SSBP2: variants seen among roughly 807,000 people sequenced by gnomAD.
SSBP2 encodes single stranded DNA binding protein 2, also known as single-stranded DNA-binding protein 2.
A neutral mutation model predicts 61.8 loss-of-function variants in SSBP2; 17 were observed. The observed-to-expected ratio is 0.28, with a 90% CI of 0.19 to 0.41. SSBP2 has a LOEUF of 0.41. SSBP2 is among the 10% of genes least tolerant of loss of function. SSBP2 has a pLI of 1.00. For synonymous variants in SSBP2, 139 were observed against 141.3 expected (o/e 0.98, Z 0.12); for missense variants, 310 against 458.7 (o/e 0.68, Z 2.96).
intron 8 of SSBP2, among the ~76,000 whole-genome samples, chr5:81,469,073 C>T (rs928019983): frequency 3.3e-5 from 5 of 151,862 alleles, no homozygotes; most frequent in African/African-American, 1.2e-4. Flanking sequence ...CATTTTTGAT[C>T]TTAGAAGATC....
At position 81,438,803 on chromosome 5, in the gene SSBP2, G is replaced by A. The variant is rs190586047; in HGVS notation, c.929-1345C>T. Among the ~76,000 whole-genome samples, 346 of 152,176 alleles carry A rather than the reference G, an allele frequency of 2.3e-3. 1 individual carries two copies. The highest frequency in any genetic ancestry group is 8.0e-3 in the African/African-American group (332 of 41,532). On this transcript the variant is annotated intron_variant, in intron 14 of 16. Coordinates refer to ENST00000320672, the MANE Select transcript of SSBP2 (RefSeq NM_012446.5). The stretch of plus-strand genomic sequence containing the variant: ...AAAGTGAATTATTTTGCAATAAATT[G>A]GAAAATAAAATTCAAGAATGGTGCT...
intron 4 of SSBP2, among the ~76,000 whole-genome samples, chr5:81,524,142 T>C (rs1447008347): frequency 6.6e-6 from 1 of 152,024 alleles, no homozygotes; most frequent in Non-Finnish European, 1.5e-5. Flanking sequence ...TTCCCCTCTG[T>C]GGTAGGCAGA....
At chr5:81,592,234 T>C (rs1015100223) in intron 4 of SSBP2, among the ~76,000 whole-genome samples, 2 of 152,212 alleles carry the variant, frequency 1.3e-5, no homozygotes, top group African/African-American at 4.8e-5. Flanking sequence ...GTCTCGCTCA[T>C]TGCTAGCACA....
intron 6 of SSBP2, among the ~76,000 whole-genome samples, chr5:81,488,010 A>AAT (rs59039206): frequency 0.016 from 626 of 38,402 alleles, 7 homozygotes; most frequent in South Asian, 0.028. Context: ...ATGGCCAAAT[A>AAT]ATATATATAT....
Position 81,440,535 on chromosome 5 carries a change from A to G in SSBP2, c.928+23T>C, listed in dbSNP as rs527564466. The G allele has an allele frequency of 8.4e-5, 134 of 1,598,674 alleles. 1 individual carries two copies. The South Asian group carries it at 1.4e-3, about 17-fold the overall frequency. On this transcript the variant is annotated intron_variant, in intron 14 of 16. Transcript: ENST00000320672. Reference sequence around the variant, plus strand: ...AAGGTTTTGTTATGAATTTATTCTAAACATCAAATTGAAAAGCCTTACCTA... The same window carrying G: ...AAGGTTTTGTTATGAATTTATTCTAGACATCAAATTGAAAAGCCTTACCTA...
At chr5:81,742,331 G>C (rs1266006173) in intron 1 of SSBP2, among the ~76,000 whole-genome samples, 2 of 152,116 alleles carry the variant, frequency 1.3e-5, no homozygotes, top group African/African-American at 2.4e-5. Flanking sequence ...TTATAGAAAA[G>C]TATTTTTTAG....
chr5:81,731,182 A>G (rs1196264103), intron 1 of SSBP2, among the ~76,000 whole-genome samples: 5 of 152,238 alleles, frequency 3.3e-5, no homozygotes, highest in African/African-American at 9.6e-5. Flanking sequence ...TACAATATCT[A>G]TCTCATTGGG....
At chr5:81,668,862 T>G (rs1398057446) in intron 1 of SSBP2, among the ~76,000 whole-genome samples, 6 of 152,156 alleles carry the variant, frequency 3.9e-5, no homozygotes. Context: ...TTACAAATTA[T>G]TTCCCAAAGG....
At chr5:81,545,074 A>G (rs942308720) in intron 4 of SSBP2, among the ~76,000 whole-genome samples, 1 of 152,196 alleles carries the variant, frequency 6.6e-6, no homozygotes, top group Non-Finnish European at 1.5e-5. Flanking sequence ...ACTCCTCTAC[A>G]CTTTAGGGTG....
intron 5 of SSBP2, among the ~76,000 whole-genome samples, chr5:81,509,753 T>C (rs766011644): frequency 1.1e-4 from 17 of 152,308 alleles, no homozygotes; most frequent in Non-Finnish European, 2.1e-4. Flanking sequence ...CAAATATATC[T>C]GAAAGTTTTT....
At chr5:81,498,688 G>A (rs1381631510) in intron 5 of SSBP2, among the ~76,000 whole-genome samples, 1 of 151,766 alleles carries the variant, frequency 6.6e-6, no homozygotes, top group Non-Finnish European at 1.5e-5. Context: ...TCTCTATATA[G>A]ATTTCTATTC....
chr5:81,469,392 T>C (rs1765099971), intron 8 of SSBP2, among the ~76,000 whole-genome samples: 1 of 151,972 alleles, frequency 6.6e-6, no homozygotes, highest in African/African-American at 2.4e-5. Flanking sequence ...TTTTTTCTTT[T>C]ACCATTGTTA....
At chr5:81,750,206 C>A (rs1340846900) in intron 1 of SSBP2, among the ~76,000 whole-genome samples, 3 of 151,370 alleles carry the variant, frequency 2.0e-5, no homozygotes, top group Admixed American at 6.6e-5. Flanking sequence ...CTCTCCGACT[C>A]CCAAACTTCG....
intron 4 of SSBP2, among the ~76,000 whole-genome samples, chr5:81,522,898 A>G (rs1176186436): frequency 6.6e-6 from 1 of 152,132 alleles, no homozygotes; most frequent in Admixed American, 6.6e-5. Flanking sequence ...ATAGTATTCA[A>G]TCCTTTAGGC....
intron 7 of SSBP2, among the ~76,000 whole-genome samples, chr5:81,473,974 T>C (rs993815039): frequency 2.6e-5 from 4 of 152,304 alleles, no homozygotes; most frequent in African/African-American, 9.6e-5. Flanking sequence ...TGAAATTTTC[T>C]CCCTATTCTG....
intron 4 of SSBP2, among the ~76,000 whole-genome samples, chr5:81,605,390 A>G (rs1744778330): frequency 6.6e-6 from 1 of 152,164 alleles, no homozygotes; most frequent in Non-Finnish European, 1.5e-5. Context: ...GTTCAACTTT[A>G]AAAAGTCCTA....
chr5:81,538,549 GCCAT>G (rs2154114590), intron 4 of SSBP2, among the ~76,000 whole-genome samples: 1 of 152,126 alleles, frequency 6.6e-6, no homozygotes, highest in African/African-American at 2.4e-5. Flanking sequence ...ATTGAAAGAT[GCCAT>G]GTAGAACTTT....
chr5:81,674,726 C>T (rs1388399254), intron 1 of SSBP2, among the ~76,000 whole-genome samples: 2 of 151,762 alleles, frequency 1.3e-5, no homozygotes, highest in South Asian at 2.1e-4. Flanking sequence ...TATTCCAAAA[C>T]GGTTGAAAGG....
At chr5:81,708,528 A>AC (rs1554116550) in intron 1 of SSBP2, among the ~76,000 whole-genome samples, 3 of 151,948 alleles carry the variant, frequency 2.0e-5, no homozygotes, top group African/African-American at 7.2e-5. Flanking sequence ...CATCTCTCAG[A>AC]TTTTTTTTAA....
Sources: allele counts gnomAD v4.1 joint callset (sites outside exome capture counted in the v4.1 genomes callset), GRCh38; gene constraint gnomAD v4.1.1; transcripts MANE v1.5; gene names NCBI Gene and HGNC (gene_info 2026-07-23, HGNC 2026-07-21).